AFAP1L1: variants seen among roughly 807,000 people sequenced by gnomAD.
AFAP1L1 encodes actin filament-associated protein 1-like 1.
A neutral mutation model predicts 99.8 loss-of-function variants in AFAP1L1; 77 were observed. The ratio of observed to expected loss-of-function variants is 0.77; its 90% CI spans 0.64 to 0.93. AFAP1L1 has a LOEUF of 0.93. Among genes scored for constraint, AFAP1L1 ranks in the 40% least tolerant of loss-of-function variants. The pLI is 0.00. For synonymous variants in AFAP1L1, 373 were observed against 395.3 expected, an observed-to-expected ratio of 0.94 and a Z score of 0.67; for missense variants, 893 against 996.8, an observed-to-expected ratio of 0.90 and a Z score of 1.40.
intron 5 of AFAP1L1, among the ~76,000 whole-genome samples, chr5:149,305,661 G>T (rs1756382764): frequency 6.6e-6 from 1 of 152,158 alleles, no homozygotes; most frequent in African/African-American, 2.4e-5. Context: ...GGAAGGTGTT[G>T]TGAAAATCTG....
At chr5:149,335,775 T>C in intron 18 of AFAP1L1, 53 bp downstream of exon 18, 1 of 1,588,176 alleles carries the variant, frequency 6.3e-7, no homozygotes, top group Non-Finnish European at 8.5e-7. Context: ...GCCCCCTTTC[T>C]ATGGAACTTC....
chr5:149,315,841 G>A lies in AFAP1L1; in HGVS notation c.1041G>A (p.Gln347=), dbSNP rs140948067. ...CTCAGAGGCTGTCCCAAGAGAAGCA[G>A]ACCTCAGATTCTGACAGCGTGGGTG... ...DLDKRLSQEK[Q]TSDSDSVGVG... Residue 347 remains glutamine (Q), a synonymous_variant, in exon 10 of 19, where the codon CAG becomes CAA. Coordinates refer to ENST00000296721, the MANE Select transcript of AFAP1L1 (RefSeq NM_152406.4). The A allele has an allele frequency of 2.5e-6, 4 of 1,614,136 alleles. No homozygotes were observed. Among genetic ancestry groups the A allele is most frequent in the Non-Finnish European group, 3.4e-6 (4 of 1,180,028 alleles).
In AFAP1L1 at chr5:149,298,506, A is replaced by G. The variant is rs115637936; in HGVS notation, c.17-1003A>G. On this transcript the variant is annotated intron_variant, in intron 1 of 18. Transcript: ENST00000296721. Reference sequence around the variant, plus strand: ...TTTAGTTTCATCCTCCATGTAATGAAGATAATAAAATACTTGATATACGAT... The same window carrying G: ...TTTAGTTTCATCCTCCATGTAATGAGGATAATAAAATACTTGATATACGAT... Among the ~76,000 whole-genome samples, 533 of 152,346 alleles carry G rather than the reference A, an allele frequency of 3.5e-3. 3 individuals carry two copies. The highest frequency in any genetic ancestry group is 0.012 in the African/African-American group (513 of 41,588).
At chr5:149,290,089 C>G (rs986392800) in intron 1 of AFAP1L1, among the ~76,000 whole-genome samples, 1 of 152,084 alleles carries the variant, frequency 6.6e-6, no homozygotes. Context: ...AAAAATTAGC[C>G]GGGCGTGGTA....
At position 149,340,085 on chromosome 5, in the gene AFAP1L1, G is replaced by A; in HGVS notation, c.*55G>A. ...AATACCAGCTTGTCCACCTGAGGAA[G>A]AAATGCTTTTTTCACAAGGAGACAC... On this transcript the variant is annotated 3_prime_UTR_variant, in exon 19 of 19. Coordinates refer to ENST00000296721, the MANE Select transcript of AFAP1L1 (RefSeq NM_152406.4). 2 of 1,607,400 alleles carry A rather than the reference G, an allele frequency of 1.2e-6. No homozygotes were observed. The highest frequency in any genetic ancestry group is 1.7e-6 in the Non-Finnish European group (2 of 1,174,696).
intron 11 of AFAP1L1, among the ~76,000 whole-genome samples, chr5:149,316,842 T>C (rs146519497): frequency 9.9e-5 from 15 of 152,270 alleles, no homozygotes; most frequent in Non-Finnish European, 1.5e-4. Flanking sequence ...TATGCAGTAA[T>C]ATTCTAACCC....
intron 1 of AFAP1L1, among the ~76,000 whole-genome samples, chr5:149,294,777 G>A (rs768995325): frequency 2.2e-4 from 33 of 149,184 alleles, no homozygotes; most frequent in Admixed American, 1.4e-3. Flanking sequence ...TCCACTGGAG[G>A]GCTGTGAGAG....
At chr5:149,302,062 C>T (rs531259992) in intron 4 of AFAP1L1, among the ~76,000 whole-genome samples, 4 of 152,362 alleles carry the variant, frequency 2.6e-5, no homozygotes, top group East Asian at 1.9e-4. Context: ...ACAGGCCTCA[C>T]GCTTCCTTGT....
Position 149,312,113 on chromosome 5 carries a change from T to A in AFAP1L1, c.929T>A (p.Val310Asp). 1 of 1,613,242 alleles carries A rather than the reference T, an allele frequency of 6.2e-7. No homozygotes were observed. The highest frequency in any genetic ancestry group is 8.5e-7 in the Non-Finnish European group (1 of 1,179,836). ...SREQAEEWLKVIREVSKPVGG... is the reference protein window; with the variant it reads ...SREQAEEWLKDIREVSKPVGG... ...CACAGCTGTGTGTCCTCTTCACAGG[T>A]CATCCGAGAAGTGAGCAAGCCAGTT... The change falls in exon 9 of 19, where the codon GTC becomes GAC. Residue 310 changes from valine to aspartate, a missense_variant and splice_region_variant. Coordinates refer to ENST00000296721, the MANE Select transcript of AFAP1L1 (RefSeq NM_152406.4).
intron 1 of AFAP1L1, among the ~76,000 whole-genome samples, chr5:149,275,984 T>G (rs1755309221): frequency 6.6e-6 from 1 of 152,192 alleles, no homozygotes; most frequent in Non-Finnish European, 1.5e-5. Context: ...CAAGCTTAGG[T>G]CACTGACATT....
intron 3 of AFAP1L1, 22 bp downstream of exon 3, chr5:149,300,376 T>C: frequency 6.2e-7 from 1 of 1,601,360 alleles, no homozygotes; most frequent in East Asian, 2.2e-5. Context: ...TCTCCCAACC[T>C]CAGCTACGGA....
Position 149,307,613 on chromosome 5 carries a change from G to T in AFAP1L1, c.747G>T (p.Leu249=). The change falls in exon 7 of 19, where the codon CTG becomes CTT. Residue 249 remains leucine (L), a splice_region_variant and synonymous_variant. Coordinates refer to ENST00000296721, the MANE Select transcript of AFAP1L1 (RefSeq NM_152406.4). ...QLTVIREDQL[L]CYKSSKDRQP... ...CGGTCATCAGGGAGGACCAGCTCCT[G>T]GTGAGTGGTCAGCAGCAGCCATGTG... 1 of 1,612,030 alleles carries T rather than the reference G, an allele frequency of 6.2e-7. No homozygotes were observed. Among genetic ancestry groups the T allele is most frequent in the African/African-American group, 1.3e-5 (1 of 74,964 alleles).
chr5:149,327,410 T>C (rs1377289795), intron 15 of AFAP1L1, among the ~76,000 whole-genome samples: 1 of 152,042 alleles, frequency 6.6e-6, no homozygotes, highest in Non-Finnish European at 1.5e-5. Flanking sequence ...CAGGAGGAAA[T>C]AGACTATACT....
chr5:149,302,337 G>A (rs1581312279), intron 4 of AFAP1L1, 81 bp from the exon 5 acceptor site: 5 of 971,376 alleles, frequency 5.1e-6, no homozygotes, highest in East Asian at 2.7e-5. Flanking sequence ...TGCCTTCTGC[G>A]AGCTCCTGCC....
intron 1 of AFAP1L1, 67 bp from the exon 2 acceptor site, chr5:149,299,442 G>A (rs1166304602): frequency 1.2e-5 from 19 of 1,587,170 alleles, no homozygotes; most frequent in East Asian, 2.3e-5. Flanking sequence ...GTGGTGGGGG[G>A]CCGAACTCCC....
At chr5:149,328,833 A>C (rs1003846950) in intron 15 of AFAP1L1, among the ~76,000 whole-genome samples, 2 of 152,126 alleles carry the variant, frequency 1.3e-5, no homozygotes, top group African/African-American at 4.8e-5. Context: ...AAAAAAAATA[A>C]GTTTCATGAT....
intron 1 of AFAP1L1, among the ~76,000 whole-genome samples, chr5:149,284,411 T>C (rs1300520931): frequency 2.0e-5 from 3 of 152,186 alleles, no homozygotes; most frequent in Non-Finnish European, 4.4e-5. Context: ...GATAACAGTC[T>C]CCTATCTACG....
intron 8 of AFAP1L1, 86 bp downstream of exon 8, chr5:149,310,221 T>G (rs1461305009): frequency 6.9e-7 from 1 of 1,441,698 alleles, no homozygotes; most frequent in African/African-American, 1.4e-5. Flanking sequence ...CTCCTGTCCC[T>G]GGAAGAGCCT....
At chr5:149,285,350 G>A (rs1289978672) in intron 1 of AFAP1L1, among the ~76,000 whole-genome samples, 2 of 152,076 alleles carry the variant, frequency 1.3e-5, no homozygotes, top group Non-Finnish European at 2.9e-5. Context: ...TAATCATAAT[G>A]AACCCTTACA....
Sources: allele counts gnomAD v4.1 joint callset (sites outside exome capture counted in the v4.1 genomes callset), GRCh38; gene constraint gnomAD v4.1.1; transcripts MANE v1.5; gene names NCBI Gene and HGNC (gene_info 2026-07-23, HGNC 2026-07-21).